GTF2F1: variants seen among roughly 807,000 people sequenced by gnomAD.
The protein encoded by GTF2F1 is general transcription factor IIF subunit 1, also known as general transcription factor IIF 74 kDa subunit.
Under a neutral mutation model 63.5 loss-of-function variants are expected in GTF2F1, and 39 were observed. That is an observed-to-expected ratio of 0.61 (90% confidence interval 0.48 to 0.80). The LOEUF is 0.80. GTF2F1 is among the 30% of genes least tolerant of loss of function. GTF2F1 has a pLI of 0.00. For synonymous variants in GTF2F1, 287 were observed against 285.3 expected (o/e 1.01, Z -0.06); for missense variants, 657 against 718.3 (o/e 0.91, Z 0.97).
Position 6,381,252 on chromosome 19 carries a change from T to C in GTF2F1, c.1019-57A>G. The stretch of plus-strand genomic sequence containing the variant: ...AGCAACCCCGGGACCCGGTGCCCAC[T>C]GGTGCCTCCACTGCAGATGAGGGAG... On this transcript the variant is annotated intron_variant, in intron 9 of 12. Coordinates refer to ENST00000394456, the MANE Select transcript of GTF2F1 (RefSeq NM_002096.3). The surrounding 1 kb of genome is among the most constrained non-coding windows in gnomAD (Gnocchi z 4.1). 2 of 1,566,006 alleles carry C rather than the reference T, an allele frequency of 1.3e-6. No individual in the cohort carries two copies. The highest frequency in any genetic ancestry group is 1.7e-6 in the Non-Finnish European group (2 of 1,156,284).
chr19:6,388,500 G>A (rs1407382509), intron 4 of GTF2F1, among the ~76,000 whole-genome samples: 3 of 152,088 alleles, frequency 2.0e-5, no homozygotes, highest in Non-Finnish European at 4.4e-5. Flanking sequence ...ACCTAACCTG[G>A]ACCCCTCCTG....
Position 6,380,221 on chromosome 19 carries a change from G to T in GTF2F1, c.*60C>A. 7.3e-7 allele frequency: 1 copy of T among 1,368,098 alleles called. No individual in the cohort carries two copies. The highest frequency in any genetic ancestry group is 1.0e-6 in the Non-Finnish European group (1 of 955,496). 84.7% of individuals were successfully genotyped at this position (1,368,098 alleles called of 1,614,324 possible). A position where few individuals can be genotyped will look rare whatever the true frequency, so the allele number is the denominator to read the frequency against. ...ATTGGACAGAGCCTCACTCTAGGAT[G>T]GCGAAGGGGCAGTGAGAGCCTTAAG... On this transcript the variant is annotated 3_prime_UTR_variant, in exon 13 of 13. Coordinates refer to ENST00000394456, the MANE Select transcript of GTF2F1 (RefSeq NM_002096.3). This position sits in a 1 kb window ranked among gnomAD's most constrained non-coding sequence, Gnocchi z 5.3.
rs1369798408 is a variant in GTF2F1, at chr19:6,381,144, GC to G, written c.1069del (p.Ala357ProfsTer58). The G allele has an allele frequency of 1.9e-6, 3 of 1,611,956 alleles. No homozygotes were observed. The highest frequency in any genetic ancestry group is 2.5e-6 in the Non-Finnish European group (3 of 1,179,304). On this transcript the variant is annotated frameshift_variant, in exon 10 of 13. Transcript: ENST00000394456. LOFTEE classifies it high-confidence loss of function. The surrounding 1 kb of genome is among the most constrained non-coding windows in gnomAD (Gnocchi z 4.1). ...TACCGCCATGAAGAGGGCTGAGGAG[GC>G]CTCGCTGTCAATGTCGCTCTCCTCT... ...SSEESDIDSE[A>X]SSALFMAKKK... is the part of the protein sequence containing the mutation.
intron 1 of GTF2F1, 26 bp from the exon 2 acceptor site, chr19:6,392,929 A>AGGGGTCGCC (rs2092006852): frequency 6.2e-7 from 1 of 1,614,088 alleles, no homozygotes; most frequent in Non-Finnish European, 8.5e-7. Flanking sequence ...GCGGTGAGTG[A>AGGGGTCGCC]GGGGTCGCCG....
In GTF2F1 at chr19:6,381,263, C is replaced by A; in HGVS notation, c.1019-68G>T. On this transcript the variant is annotated intron_variant, in intron 9 of 12. Transcript: ENST00000394456. This position sits in a 1 kb window ranked among gnomAD's most constrained non-coding sequence, Gnocchi z 4.1. Reference sequence around the variant, plus strand: ...GACCCGGTGCCCACTGGTGCCTCCACTGCAGATGAGGGAGGCCTGCAGGGG... The same window carrying A: ...GACCCGGTGCCCACTGGTGCCTCCAATGCAGATGAGGGAGGCCTGCAGGGG... 6.4e-7 allele frequency: 1 copy of A among 1,558,996 alleles called. No homozygotes were observed. Among genetic ancestry groups the A allele is most frequent in the Non-Finnish European group, 8.7e-7 (1 of 1,151,846 alleles).
intron 1 of GTF2F1, 34 bp downstream of exon 1, chr19:6,392,950 C>T: frequency 6.2e-7 from 1 of 1,614,104 alleles, no homozygotes; most frequent in African/African-American, 1.3e-5. Context: ...AGGTCGCCGT[C>T]GGAACCCCCG....
rs2091962940 is a variant in GTF2F1 at position 6,383,537 on chromosome 19, C to T, written c.498-42G>A. The T allele has an allele frequency of 5.0e-6, 8 of 1,593,816 alleles. No individual in the cohort carries two copies. In the South Asian group the frequency reaches 7.7e-5, roughly 15 times the overall value. On this transcript the variant is annotated intron_variant, in intron 5 of 12. Transcript: ENST00000394456. The surrounding 1 kb of genome is among the most constrained non-coding windows in gnomAD (Gnocchi z 4.5). ...GGGGGGCTCATGCCGGGCCTGGCACCACCCTGCATCTGTGCTTGCAGGGGG... is the reference window on the plus strand; with the variant it reads ...GGGGGGCTCATGCCGGGCCTGGCACTACCCTGCATCTGTGCTTGCAGGGGG...
rs563611382 is a variant in GTF2F1 at position 6,392,041 on chromosome 19, A to G, written c.60-67T>C. ...ATTCAATCATTAATTTAATCAGTCA[A>G]TGCTATTGAACCATTAATTCAATCA... On this transcript the variant is annotated intron_variant, in intron 2 of 12. Transcript: ENST00000394456. The G allele has an allele frequency of 1.0e-4, 82 of 810,024 alleles. 1 individual carries two copies. The South Asian group carries it at 1.1e-3, about 11-fold the overall frequency. 50.2% of individuals were successfully genotyped at this position (810,024 alleles called of 1,614,324 possible).
chr19:6,385,525 C>T (rs2091970884), intron 5 of GTF2F1, among the ~76,000 whole-genome samples: 1 of 150,762 alleles, frequency 6.6e-6, no homozygotes, highest in Non-Finnish European at 1.5e-5. Flanking sequence ...AAGGAAAATA[C>T]AGCAAAAGCG....
In GTF2F1 at chr19:6,381,459, G is replaced by C. The variant is rs1701933256; in HGVS notation, c.918C>G (p.Asp306Glu). Residue 306 changes from aspartate to glutamate, a missense_variant, in exon 9 of 13, where the codon GAC becomes GAG. Asp to Glu is a conservative substitution (Grantham distance 45). Transcript: ENST00000394456. This position sits in a 1 kb window ranked among gnomAD's most constrained non-coding sequence, Gnocchi z 4.1. ...TCTCCTCCTCACTCTCCTCACTACT[G>C]TCGCTCTGCTCATCGACACCTGGGA... Reference protein sequence around the residue: ...EGPKGVDEQSDSSEESEEEKP... With the variant: ...EGPKGVDEQSESSEESEEEKP... 6 of 1,608,360 alleles carry C rather than the reference G, an allele frequency of 3.7e-6. No individual in the cohort carries two copies. The highest frequency in any genetic ancestry group is 5.1e-6 in the Non-Finnish European group (6 of 1,179,490).
At chr19:6,392,369 A>ACT (rs1481162189) in intron 2 of GTF2F1, 1 of 476,670 alleles carries the variant, frequency 2.1e-6, no homozygotes, top group Non-Finnish European at 4.1e-6. Context: ...ATTATTGTGA[A>ACT]CTCAGCCTTG....
chr19:6,383,338 C>T lies in GTF2F1; in HGVS notation c.655G>A (p.Asp219Asn), dbSNP rs374186493. ...DLEDDLEMSS[D>N]ASDASGEEGG... is the part of the protein sequence containing the mutation. ...TCCTCACCACTGGCATCACTGGCATCGGACGACATCTCCAGGTCGTCCTCC... is the reference window on the plus strand; with the variant it reads ...TCCTCACCACTGGCATCACTGGCATTGGACGACATCTCCAGGTCGTCCTCC... The change falls in exon 6 of 13, where the codon GAT becomes AAT. Residue 219 changes from aspartate (D) to asparagine (N), a missense_variant. By Grantham distance (23) the Asp-to-Asn change is conservative (BLOSUM62 1). Around this residue, in one of 2 missense-constraint regions of GTF2F1, gnomAD observed 602 missense variants for 625.6 expected, o/e 0.96. Coordinates refer to ENST00000394456, the MANE Select transcript of GTF2F1 (RefSeq NM_002096.3). This position sits in a 1 kb window ranked among gnomAD's most constrained non-coding sequence, Gnocchi z 4.5. 86 of 1,614,002 alleles carry T rather than the reference C, an allele frequency of 5.3e-5. No homozygotes were observed. The highest frequency in any genetic ancestry group is 1.6e-4 in the Middle Eastern group (1 of 6,084).
chr19:6,381,169 C>A lies in GTF2F1; in HGVS notation c.1045G>T (p.Glu349Ter), dbSNP rs766201648. 6.2e-7 allele frequency: 1 copy of A among 1,611,368 alleles called. No individual in the cohort carries two copies. Among genetic ancestry groups the A allele is most frequent in the Non-Finnish European group, 8.5e-7 (1 of 1,179,098 alleles). ...KDSSEESDSSEESDIDSEASS... is the reference protein window; with the variant it reads ...KDSSEESDSS Reference sequence around the variant, plus strand: ...GCCTCGCTGTCAATGTCGCTCTCCTCTGAGCTGTCCGACTCCTCGCTGCTG... The same window carrying A: ...GCCTCGCTGTCAATGTCGCTCTCCTATGAGCTGTCCGACTCCTCGCTGCTG... Residue 349 changes from glutamate (E) to a stop codon, truncating the protein, a stop_gained, in exon 10 of 13, where the codon GAG becomes TAG. Coordinates refer to ENST00000394456, the MANE Select transcript of GTF2F1 (RefSeq NM_002096.3). LOFTEE classifies it high-confidence loss of function. This position sits in a 1 kb window ranked among gnomAD's most constrained non-coding sequence, Gnocchi z 4.1.
rs2145074823 is a variant in GTF2F1, at chr19:6,383,085, A to C, written c.682+226T>G. Among the ~76,000 whole-genome samples the C allele has an allele frequency of 6.6e-6, 1 of 152,276 alleles. No homozygotes were observed. The highest frequency in any genetic ancestry group is 1.5e-5 in the Non-Finnish European group (1 of 68,022). On this transcript the variant is annotated intron_variant, in intron 6 of 12. Coordinates refer to ENST00000394456, the MANE Select transcript of GTF2F1 (RefSeq NM_002096.3). This position sits in a 1 kb window ranked among gnomAD's most constrained non-coding sequence, Gnocchi z 4.5. ...CCCAGCTAATTTTTGTGTTTTCAGT[A>C]GAGACACGGTCTCACTGTGTTGGCC...
rs780929303 is a variant in GTF2F1, at chr19:6,392,846, T to C, written c.59+11A>G. The C allele has an allele frequency of 1.2e-6, 2 of 1,612,724 alleles. No individual in the cohort carries two copies. Among genetic ancestry groups the C allele is most frequent in the Non-Finnish European group, 1.7e-6 (2 of 1,178,804 alleles). On this transcript the variant is annotated intron_variant, in intron 2 of 12. Transcript: ENST00000394456. ...GGTGGAGAGGAGTGGGAGATGGGGCTGGGGACTTACTTAGGAACTCGAACG... is the reference window on the plus strand; with the variant it reads ...GGTGGAGAGGAGTGGGAGATGGGGCCGGGGACTTACTTAGGAACTCGAACG...
chr19:6,389,136 T>G (rs1360986390), intron 4 of GTF2F1, among the ~76,000 whole-genome samples: 1 of 151,134 alleles, frequency 6.6e-6, no homozygotes, highest in East Asian at 2.0e-4. Context: ...CTCAGGAGGC[T>G]CAGGCAGGAG....
chr19:6,387,728 C>G (rs565378466), intron 4 of GTF2F1, among the ~76,000 whole-genome samples, 169 bp from the exon 5 acceptor site: 1 of 150,336 alleles, frequency 6.7e-6, no homozygotes, highest in East Asian at 1.9e-4. Context: ...ATTTCCACAT[C>G]TGGGGAACAG....
intron 3 of GTF2F1, among the ~76,000 whole-genome samples, chr19:6,390,927 T>G (rs1439348379): frequency 6.6e-6 from 1 of 152,110 alleles, no homozygotes; most frequent in African/African-American, 2.4e-5. Flanking sequence ...CAACACTTGC[T>G]GACATTAAGG....
Position 6,391,960 on chromosome 19 carries a change from T to G in GTF2F1, c.74A>C (p.Lys25Thr). 1 of 1,572,218 alleles carries G rather than the reference T, an allele frequency of 6.4e-7. No homozygotes were observed. The highest frequency in any genetic ancestry group is 8.7e-7 in the Non-Finnish European group (1 of 1,155,346). ...TGCATTAAAAGCCATGATGTTATATTTTTTGGTTGTATTCCTGGAGTGGAT... is the reference window on the plus strand; with the variant it reads ...TGCATTAAAAGCCATGATGTTATATGTTTTGGTTGTATTCCTGGAGTGGAT... ...VVRVPKNTTKKYNIMAFNAAD... is the reference protein window; with the variant it reads ...VVRVPKNTTKTYNIMAFNAAD... The change falls in exon 3 of 13, where the codon AAA becomes ACA. Residue 25 changes from lysine (K) to threonine (T), a missense_variant. Lys to Thr is a moderately conservative substitution (Grantham distance 78, BLOSUM62 -1). This residue lies in a region of GTF2F1 where 602 missense variants were observed against 625.6 expected (regional missense o/e 0.96). Coordinates refer to ENST00000394456, the MANE Select transcript of GTF2F1 (RefSeq NM_002096.3).
Sources: allele counts gnomAD v4.1 joint callset (sites outside exome capture counted in the v4.1 genomes callset), GRCh38; gene constraint gnomAD v4.1.1; regional missense constraint gnomAD v4.1.1; non-coding constraint Gnocchi (gnomAD v3.1); transcripts MANE v1.5; gene names NCBI Gene and HGNC (gene_info 2026-07-23, HGNC 2026-07-21).